FOXP2: variants seen among roughly 807,000 people sequenced by gnomAD.
The protein encoded by FOXP2 is forkhead box P2, also known as forkhead box protein P2.
FOXP2 carries 12 observed loss-of-function variants against 115.8 expected under a neutral mutation model. The observed-to-expected ratio is 0.10, with a 90% confidence interval of 0.07 to 0.17. FOXP2 has a LOEUF of 0.17. FOXP2 is among the 10% of genes least tolerant of loss of function. The pLI is 1.00. For missense variants in FOXP2, 629 were observed against 843.5 expected, an observed-to-expected ratio of 0.75 and a Z score of 3.15; for synonymous variants, 328 against 297.7, an observed-to-expected ratio of 1.10 and a Z score of -1.05.
chr7:114,114,864 G>A (rs1791361150), intron 1 of FOXP2, among the ~76,000 whole-genome samples: 1 of 152,074 alleles, frequency 6.6e-6, no homozygotes, highest in Non-Finnish European at 1.5e-5. Flanking sequence ...ACTGAAAACA[G>A]CAACTACATA....
At chr7:114,403,015 TG>T (rs1481354715) in intron 2 of FOXP2, among the ~76,000 whole-genome samples, 2 of 152,166 alleles carry the variant, frequency 1.3e-5, no homozygotes, top group African/African-American at 4.8e-5. Flanking sequence ...GTTCATAGAC[TG>T]TCTAGATTCC....
chr7:114,649,528 C>CTGTTATA (rs1806117331), intron 8 of FOXP2, among the ~76,000 whole-genome samples: 1 of 151,896 alleles, frequency 6.6e-6, no homozygotes, highest in Non-Finnish European at 1.5e-5. Context: ...ATATGTAGTA[C>CTGTTATA]CTGAGATAGT....
chr7:114,091,181 C>T (rs563981030), intron 1 of FOXP2, among the ~76,000 whole-genome samples: 1 of 151,728 alleles, frequency 6.6e-6, no homozygotes, highest in African/African-American at 2.4e-5. Context: ...TCCATTCCTG[C>T]CCTAAATTTC....
intron 8 of FOXP2, among the ~76,000 whole-genome samples, chr7:114,649,645 A>G (rs1293887628): frequency 2.0e-5 from 3 of 152,102 alleles, no homozygotes; most frequent in African/African-American, 7.2e-5. Context: ...ATTACATTGT[A>G]TTTATATCTG....
At chr7:114,442,039 A>G (rs1429143819) in intron 2 of FOXP2, among the ~76,000 whole-genome samples, 1 of 152,210 alleles carries the variant, frequency 6.6e-6, no homozygotes, top group Non-Finnish European at 1.5e-5. Flanking sequence ...TTATTTACAT[A>G]TATTTATAAA....
chr7:114,623,868 C>T (rs889759076), intron 3 of FOXP2, among the ~76,000 whole-genome samples: 2 of 151,866 alleles, frequency 1.3e-5, no homozygotes, highest in African/African-American at 4.8e-5. Flanking sequence ...TCCTGTCACA[C>T]TATTTCCCTG....
chr7:114,325,367 A>G (rs1797528854), intron 2 of FOXP2, among the ~76,000 whole-genome samples: 1 of 151,946 alleles, frequency 6.6e-6, no homozygotes, highest in Admixed American at 6.6e-5. Context: ...TCTTTCAGAT[A>G]AGATTAAACA....
In FOXP2 at chr7:114,343,114, A is replaced by G. The variant is rs565500571; in HGVS notation, c.-11+55005A>G. 7.3e-5 allele frequency among the ~76,000 whole-genome samples: 11 copies of G among 151,672 alleles called. No homozygotes were observed. In the South Asian group the frequency reaches 2.3e-3, roughly 31 times the overall value. ...ATCTCTAGAACTAAGTATTGTCTGT[A>G]TGAATGCCATTTGTATAATACTTCA... On this transcript the variant is annotated intron_variant, in intron 2 of 17. Transcript: ENST00000634411.
Position 114,669,390 on chromosome 7 carries a change from A to G in FOXP2, c.2003+4954A>G, listed in dbSNP as rs528119886. The G allele has an allele frequency of 4.6e-5, 7 of 152,148 alleles. No individual in the cohort carries two copies. In the South Asian group the frequency reaches 1.5e-3, roughly 32 times the overall value. The allele number at this position is 152,148 out of a possible 1,614,324, so 9.4% of individuals were successfully genotyped here. ...TTCAAAGCAAGTACTTCACTTTTAA[A>G]ACATTTTTATTTTCTATTGCTGTTC... On this transcript the variant is annotated intron_variant, in intron 16 of 16. Transcript: ENST00000350908.
chr7:114,397,815 A>G (rs1472058145), intron 2 of FOXP2, among the ~76,000 whole-genome samples: 2 of 152,190 alleles, frequency 1.3e-5, no homozygotes, highest in Non-Finnish European at 2.9e-5. Flanking sequence ...AGCAGGGCTA[A>G]CAATTAGGAG....
At chr7:114,426,750 C>A in intron 2 of FOXP2, 71 bp downstream of exon 2, 1 of 1,467,116 alleles carries the variant, frequency 6.8e-7, no homozygotes, top group Non-Finnish European at 9.4e-7. Context: ...AAAATGTATT[C>A]ATAGCAAACT....
At position 114,689,782 on chromosome 7, in the gene FOXP2, A is replaced by G; in HGVS notation, c.2004A>G (p.Ile668Met). The G allele has an allele frequency of 6.2e-7, 1 of 1,613,194 alleles. No individual in the cohort carries two copies. Among genetic ancestry groups the G allele is most frequent in the Non-Finnish European group, 8.5e-7 (1 of 1,179,410 alleles). The change falls in exon 17 of 17, where the codon ATA becomes ATG. Residue 668 changes from isoleucine to methionine, a missense_variant and splice_region_variant. Physicochemically the swap from Ile to Met is conservative, Grantham distance 10 (BLOSUM62 1). Coordinates refer to ENST00000350908, the MANE Select transcript of FOXP2 (RefSeq NM_014491.4). The part of the protein sequence containing the change: ...SSPGCSPQPH[I>M]HSIHVKEEPV... ...TTTGGTGTATCTACATGTTTTTCAG[A>G]CATTCAATCCACGTCAAGGAAGAGC...
chr7:114,297,972 C>T (rs971418448), intron 2 of FOXP2, among the ~76,000 whole-genome samples: 2 of 152,140 alleles, frequency 1.3e-5, no homozygotes, highest in African/African-American at 2.4e-5. Flanking sequence ...TTATTTCCTT[C>T]TGATTGATCA....
chr7:114,407,029 G>A (rs1793052956), intron 2 of FOXP2, among the ~76,000 whole-genome samples: 1 of 151,922 alleles, frequency 6.6e-6, no homozygotes, highest in African/African-American at 2.4e-5. Context: ...GAAAATGAGA[G>A]AAATAGTAAG....
At chr7:114,251,764 T>TA (rs1795451429) in intron 1 of FOXP2, among the ~76,000 whole-genome samples, 1 of 152,222 alleles carries the variant, frequency 6.6e-6, no homozygotes. Flanking sequence ...TCTCTTTTCC[T>TA]AATTGAATAT....
intron 1 of FOXP2, among the ~76,000 whole-genome samples, chr7:114,169,398 C>A (rs1386941061): frequency 6.6e-6 from 1 of 152,194 alleles, no homozygotes; most frequent in East Asian, 1.9e-4. Flanking sequence ...CATTTTGGAG[C>A]TTTAAGATTT....
At chr7:114,092,231 AATTT>A (rs1364374024) in intron 1 of FOXP2, among the ~76,000 whole-genome samples, 5 of 152,140 alleles carry the variant, frequency 3.3e-5, no homozygotes, top group Admixed American at 6.5e-5. Context: ...GTTGATTTAA[AATTT>A]ATTTAAGTTT....
intron 2 of FOXP2, among the ~76,000 whole-genome samples, chr7:114,373,621 C>T (rs1792068944): frequency 6.6e-6 from 1 of 152,166 alleles, no homozygotes; most frequent in South Asian, 2.1e-4. Flanking sequence ...GTCTGGTATG[C>T]TCCAATCAAT....
At chr7:114,534,781 T>C (rs558079666) in intron 3 of FOXP2, 75 bp downstream of exon 3, 2 of 1,095,930 alleles carry the variant, frequency 1.8e-6, no homozygotes, top group African/African-American at 1.5e-5. Context: ...GCAGACCCAC[T>C]TGTATATATA....
Sources: gnomAD v4.1 joint callset for allele counts (sites outside exome capture counted in the v4.1 genomes callset) on GRCh38, gnomAD v4.1.1 for gene constraint, MANE v1.5 for transcripts, NCBI Gene and HGNC (gene_info 2026-07-23, HGNC 2026-07-21) for gene names.